Variants in CDK14 observed in about 807,000 individuals in gnomAD.
CDK14 encodes cyclin dependent kinase 14, also known as cyclin-dependent kinase 14.
CDK14 carries 34 observed loss-of-function variants against 60.7 expected under a neutral mutation model. The observed-to-expected ratio is 0.56, with a 90% CI of 0.43 to 0.75. The LOEUF is 0.75. Among genes scored for constraint, CDK14 ranks in the 30% least tolerant of loss-of-function variants. The pLI is 0.00. For synonymous variants in CDK14, 197 were observed against 203.7 expected (o/e 0.97, Z 0.28); for missense variants, 482 against 564.1 (o/e 0.85, Z 1.47).
At chr7:90,976,124 C>T (rs1246421139) in intron 9 of CDK14, among the ~76,000 whole-genome samples, 1 of 152,052 alleles carries the variant, frequency 6.6e-6, no homozygotes, top group Non-Finnish European at 1.5e-5. Context: ...TACTGTTCTC[C>T]ATAGAACATT....
intron 14 of CDK14, among the ~76,000 whole-genome samples, chr7:91,128,294 C>G (rs1334065911): frequency 6.6e-6 from 1 of 152,142 alleles, no homozygotes; most frequent in African/African-American, 2.4e-5. Flanking sequence ...GTGCAAAATT[C>G]ATTCCATTCT....
At chr7:90,820,965 ATC>A (rs1224451933) in intron 5 of CDK14, among the ~76,000 whole-genome samples, 2 of 152,206 alleles carry the variant, frequency 1.3e-5, no homozygotes. Flanking sequence ...CTCACAAGAC[ATC>A]TCTCAACATG....
intron 11 of CDK14, among the ~76,000 whole-genome samples, chr7:91,075,458 G>T (rs1277239884): frequency 6.6e-6 from 1 of 152,162 alleles, no homozygotes; most frequent in Non-Finnish European, 1.5e-5. Flanking sequence ...AGGTATTGAT[G>T]GAAGTACCTC....
At chr7:90,833,123 C>G (rs1427071213) in intron 5 of CDK14, among the ~76,000 whole-genome samples, 1 of 152,220 alleles carries the variant, frequency 6.6e-6, no homozygotes. Context: ...AGCATTTCCA[C>G]TTCCTGTCTC....
intron 4 of CDK14, among the ~76,000 whole-genome samples, chr7:90,748,725 A>G (rs1803693067): frequency 6.6e-6 from 1 of 152,126 alleles, no homozygotes; most frequent in African/African-American, 2.4e-5. Flanking sequence ...TGGGACTACA[A>G]GCCCATGCCA....
chr7:91,155,651 TGAAC>T (rs1022919651), intron 14 of CDK14, among the ~76,000 whole-genome samples: 12 of 152,178 alleles, frequency 7.9e-5, no homozygotes, highest in Non-Finnish European at 1.8e-4. Flanking sequence ...TAAAAACACA[TGAAC>T]AAAAATACTA....
intron 9 of CDK14, among the ~76,000 whole-genome samples, chr7:90,959,859 A>G (rs1794549166): frequency 6.6e-6 from 1 of 152,140 alleles, no homozygotes; most frequent in Non-Finnish European, 1.5e-5. Context: ...ATGAAAATAG[A>G]TAGTTTTTGA....
intron 14 of CDK14, among the ~76,000 whole-genome samples, chr7:91,186,259 TCCCC>T (rs1464433698): frequency 4.8e-5 from 1 of 21,048 alleles, no homozygotes; most frequent in Admixed American, 4.2e-4. Flanking sequence ...TCTCCTCCCC[TCCCC>T]TCTCCTCTCC....
At chr7:91,030,110 A>G (rs1796718872) in intron 10 of CDK14, among the ~76,000 whole-genome samples, 1 of 152,234 alleles carries the variant, frequency 6.6e-6, no homozygotes, top group Non-Finnish European at 1.5e-5. Context: ...ATACATATGT[A>G]ATAGTATACA....
chr7:91,080,361 G>A (rs1175742010), intron 12 of CDK14, among the ~76,000 whole-genome samples: 1 of 152,120 alleles, frequency 6.6e-6, no homozygotes, highest in African/African-American at 2.4e-5. Flanking sequence ...GACAGCTAAT[G>A]GCGAGGAACT....
chr7:91,091,236 A>G (rs979968413), intron 12 of CDK14, among the ~76,000 whole-genome samples: 2 of 148,524 alleles, frequency 1.3e-5, no homozygotes, highest in African/African-American at 4.9e-5. Flanking sequence ...TCTGTAAAAA[A>G]TTTATCTGTA....
chr7:90,863,698 T>TGTGTG (rs61201271), intron 6 of CDK14, among the ~76,000 whole-genome samples: 28 of 58,514 alleles, frequency 4.8e-4, no homozygotes, highest in African/African-American at 1.2e-3. Flanking sequence ...GTGTGTGTGT[T>TGTGTG]TGTGTGTGTG....
intron 7 of CDK14, among the ~76,000 whole-genome samples, chr7:90,908,406 CG>C (rs1792781995): frequency 6.6e-6 from 1 of 152,094 alleles, no homozygotes; most frequent in Admixed American, 6.6e-5. Context: ...CCTAGAGATC[CG>C]TTAAAACCCA....
intron 11 of CDK14, among the ~76,000 whole-genome samples, chr7:91,065,845 CA>C (rs1191536507): frequency 6.6e-6 from 1 of 152,098 alleles, no homozygotes; most frequent in Non-Finnish European, 1.5e-5. Flanking sequence ...GCCTTCTAGC[CA>C]AAAGGATTTG....
chr7:90,632,855 G>A (rs1252578113), intron 2 of CDK14, among the ~76,000 whole-genome samples: 1 of 152,140 alleles, frequency 6.6e-6, no homozygotes, highest in African/African-American at 2.4e-5. Flanking sequence ...TTGGGAAGCC[G>A]AGGTGGGCGG....
At chr7:90,777,730 A>T (rs1245574896) in intron 4 of CDK14, among the ~76,000 whole-genome samples, 1 of 152,202 alleles carries the variant, frequency 6.6e-6, no homozygotes, top group Admixed American at 6.5e-5. Flanking sequence ...AGTAGCCTCT[A>T]TTCCACTGCT....
intron 14 of CDK14, among the ~76,000 whole-genome samples, chr7:91,163,099 A>C (rs1192009784): frequency 6.6e-6 from 1 of 152,246 alleles, no homozygotes; most frequent in African/African-American, 2.4e-5. Context: ...CCCAATAGTG[A>C]TGATGGGAGT....
intron 4 of CDK14, among the ~76,000 whole-genome samples, chr7:90,771,880 T>A (rs796993383): frequency 2.6e-4 from 39 of 152,334 alleles, no homozygotes; most frequent in African/African-American, 7.9e-4. Flanking sequence ...CGTTCCTGTC[T>A]GCCTAGGAAT....
chr7:90,735,179 G>A (rs1803040788), intron 3 of CDK14, among the ~76,000 whole-genome samples: 1 of 152,120 alleles, frequency 6.6e-6, no homozygotes, highest in African/African-American at 2.4e-5. Context: ...TCCTTCGTCT[G>A]GAAGCTTCAT....
Sources: allele counts gnomAD v4.1 joint callset (sites outside exome capture counted in the v4.1 genomes callset), GRCh38; gene constraint gnomAD v4.1.1; transcripts MANE v1.5; gene names NCBI Gene and HGNC (gene_info 2026-07-23, HGNC 2026-07-21).